The following FAM135B variants were observed in gnomAD, a reference collection of about 807,000 sequenced individuals.
FAM135B encodes the protein protein FAM135B.
FAM135B carries 43 observed loss-of-function variants against 127.7 expected under a neutral mutation model. The observed-to-expected ratio is 0.34, with a 90% confidence interval of 0.26 to 0.43. FAM135B has a LOEUF of 0.43. FAM135B is among the 20% of genes least tolerant of loss of function. FAM135B has a pLI of 1.00. For missense variants in FAM135B, 1,558 were observed against 1,725.6 expected (o/e 0.90, Z 1.72); for synonymous variants, 670 against 665.1 (o/e 1.01, Z -0.11).
chr8:138,417,707 G>C (rs528523890), intron 1 of FAM135B, among the ~76,000 whole-genome samples: 69 of 152,246 alleles, frequency 4.5e-4, no homozygotes, highest in African/African-American at 1.6e-3. Context: ...CAAGAGTGCT[G>C]AGCTAAGCCT....
intron 7 of FAM135B, among the ~76,000 whole-genome samples, chr8:138,218,567 T>C (rs1365051217): frequency 2.0e-5 from 3 of 152,130 alleles, no homozygotes; most frequent in Non-Finnish European, 2.9e-5. Context: ...TACTTAGAAA[T>C]GTTCATGGAT....
At chr8:138,211,268 A>C (rs1022098562) in intron 7 of FAM135B, among the ~76,000 whole-genome samples, 2 of 152,214 alleles carry the variant, frequency 1.3e-5, no homozygotes, top group African/African-American at 4.8e-5. Context: ...CCAAAATAAT[A>C]GTATTTGCAT....
chr8:138,453,014 G>C (rs912206844), intron 1 of FAM135B, among the ~76,000 whole-genome samples: 2 of 152,140 alleles, frequency 1.3e-5, no homozygotes, highest in Non-Finnish European at 2.9e-5. Flanking sequence ...GACTTATGTG[G>C]GTTAATGTGG....
At chr8:138,375,550 A>G (rs1157498353) in intron 1 of FAM135B, among the ~76,000 whole-genome samples, 2 of 152,252 alleles carry the variant, frequency 1.3e-5, no homozygotes, top group Non-Finnish European at 1.5e-5. Flanking sequence ...CAGGTAACAC[A>G]GAAGGTTGAC....
intron 1 of FAM135B, among the ~76,000 whole-genome samples, chr8:138,463,214 A>G (rs1280918275): frequency 6.6e-6 from 1 of 152,206 alleles, no homozygotes; most frequent in African/African-American, 2.4e-5. Context: ...GATAGAAAAG[A>G]GATGGTAAGT....
chr8:138,464,357 T>C (rs1304616687), intron 1 of FAM135B, among the ~76,000 whole-genome samples: 1 of 152,070 alleles, frequency 6.6e-6, no homozygotes, highest in African/African-American at 2.4e-5. Context: ...ATAACCTCCT[T>C]TCAGATCCAG....
At position 138,367,860 on chromosome 8, in the gene FAM135B, A is replaced by AACACACAC. The variant is rs3084240; in HGVS notation, c.77+39_77+46dup. On this transcript the variant is annotated intron_variant, in intron 2 of 19. Transcript: ENST00000395297. ...CCTTCTTCCACGGAAAGAAACAAACAACACACACACACACACACACACACA... is the reference window on the plus strand; with the variant it reads ...CCTTCTTCCACGGAAAGAAACAAACAACACACACACACACACACACACACACACACACA... The AACACACAC allele has an allele frequency of 7.7e-4, 952 of 1,240,358 alleles. 1 individual carries two copies. The highest frequency in any genetic ancestry group is 6.9e-3 in the East Asian group (278 of 40,246). 76.8% of individuals were successfully genotyped at this position (1,240,358 alleles called of 1,614,324 possible).
intron 2 of FAM135B, among the ~76,000 whole-genome samples, chr8:138,357,890 C>T (rs1038171024): frequency 6.6e-6 from 1 of 152,016 alleles, no homozygotes; most frequent in African/African-American, 2.4e-5. Context: ...GTGATTTATC[C>T]TATTGAAGCC....
chr8:138,289,852 T>A (rs527561984), intron 3 of FAM135B, among the ~76,000 whole-genome samples: 120 of 152,276 alleles, frequency 7.9e-4, no homozygotes, highest in Admixed American at 3.5e-3. Flanking sequence ...CATTTTTATC[T>A]CATTTAGTGA....
At chr8:138,373,686 A>C (rs1041551327) in intron 1 of FAM135B, among the ~76,000 whole-genome samples, 6 of 152,068 alleles carry the variant, frequency 3.9e-5, no homozygotes, top group African/African-American at 1.4e-4. Context: ...TTTCTCAGCA[A>C]GGAACATCCC....
intron 1 of FAM135B, among the ~76,000 whole-genome samples, chr8:138,456,386 G>T (rs1247035726): frequency 5.3e-5 from 8 of 152,160 alleles, no homozygotes. Flanking sequence ...CCAAAAACAA[G>T]TGCATTTCTG....
intron 2 of FAM135B, among the ~76,000 whole-genome samples, chr8:138,327,574 T>A (rs959032017): frequency 6.6e-6 from 1 of 152,174 alleles, no homozygotes; most frequent in Non-Finnish European, 1.5e-5. Context: ...GAAAAAGCCA[T>A]TGCAAGCTTT....
At chr8:138,154,812 C>T (rs1287979068) in intron 12 of FAM135B, among the ~76,000 whole-genome samples, 5 of 152,136 alleles carry the variant, frequency 3.3e-5, no homozygotes, top group Non-Finnish European at 7.3e-5. Context: ...ACCAAATATA[C>T]ATCTAATTCG....
intron 19 of FAM135B, among the ~76,000 whole-genome samples, chr8:138,136,797 C>T (rs1005011882): frequency 6.6e-6 from 1 of 152,182 alleles, no homozygotes. Flanking sequence ...TGACTTATCA[C>T]ATTTTACTCT....
intron 7 of FAM135B, among the ~76,000 whole-genome samples, chr8:138,212,529 T>C (rs1818223544): frequency 6.6e-6 from 1 of 152,234 alleles, no homozygotes; most frequent in African/African-American, 2.4e-5. Flanking sequence ...AGACAGATGA[T>C]ATGCATAGGC....
At chr8:138,362,442 A>T (rs1372718990) in intron 2 of FAM135B, among the ~76,000 whole-genome samples, 1 of 152,134 alleles carries the variant, frequency 6.6e-6, no homozygotes. Flanking sequence ...TTAATTTATG[A>T]GACTTTGGTC....
intron 1 of FAM135B, among the ~76,000 whole-genome samples, chr8:138,442,072 C>T (rs1350883561): frequency 6.6e-6 from 1 of 151,204 alleles, no homozygotes; most frequent in Non-Finnish European, 1.5e-5. Context: ...TGTGAAGGAC[C>T]ATTGTATTAT....
intron 1 of FAM135B, among the ~76,000 whole-genome samples, chr8:138,467,692 G>A (rs1196124583): frequency 6.6e-6 from 1 of 152,168 alleles, no homozygotes; most frequent in African/African-American, 2.4e-5. Context: ...TGTTATGGGT[G>A]CAGTGTTGAG....
At chr8:138,460,709 A>AT (rs5895529) in intron 1 of FAM135B, among the ~76,000 whole-genome samples, 66,017 of 151,404 alleles carry the variant, frequency 0.44, 16,384 homozygotes, top group East Asian at 0.76. Context: ...TTCTGGAAGG[A>AT]TTTTTTTTTC....
Sources: gnomAD v4.1 joint callset for allele counts (sites outside exome capture counted in the v4.1 genomes callset) on GRCh38, gnomAD v4.1.1 for gene constraint, MANE v1.5 for transcripts, NCBI Gene and HGNC (gene_info 2026-07-23, HGNC 2026-07-21) for gene names.